Variants in TMEM132B observed in about 807,000 individuals in gnomAD.
The protein encoded by TMEM132B is transmembrane protein 132B.
TMEM132B carries 18 observed loss-of-function variants against 90.8 expected under a neutral mutation model. That is an observed-to-expected ratio of 0.20 (90% CI 0.14 to 0.29). TMEM132B has a LOEUF of 0.29. Among genes scored for constraint, TMEM132B ranks in the 10% least tolerant of loss-of-function variants. TMEM132B has a pLI of 1.00. For missense variants in TMEM132B, 1,096 were observed against 1,326.8 expected (o/e 0.83, Z 2.70); for synonymous variants, 504 against 523.3 (o/e 0.96, Z 0.50).
At position 125,654,875 on chromosome 12, in the gene TMEM132B, T is replaced by A. The variant is rs1887022661; in HGVS notation, c.*165T>A. The A allele has an allele frequency of 1.2e-6, 1 of 839,548 alleles. No individual in the cohort carries two copies. The highest frequency in any genetic ancestry group is 1.7e-5 in the African/African-American group (1 of 58,202). 52.0% of individuals were successfully genotyped at this position (839,548 alleles called of 1,614,324 possible). On this transcript the variant is annotated 3_prime_UTR_variant, in exon 9 of 9. Coordinates refer to ENST00000682704, the MANE Select transcript of TMEM132B (RefSeq NM_001366854.1). The surrounding 1 kb of genome is among the most constrained non-coding windows in gnomAD (Gnocchi z 5.8). ...AAGAGGTTTGGAGAGCTATAGAAGC[T>A]GGGTTTTAAGTTTGGAAATGCCTCT...
chr12:125,350,764 G>A (rs891522553), intron 2 of TMEM132B, among the ~76,000 whole-genome samples: 2 of 152,220 alleles, frequency 1.3e-5, no homozygotes, highest in Non-Finnish European at 2.9e-5. Flanking sequence ...TGGCTCTCAG[G>A]TGCTTGGGAG....
At chr12:125,222,221 A>C (rs1010642172) in intron 1 of TMEM132B, among the ~76,000 whole-genome samples, 4 of 152,198 alleles carry the variant, frequency 2.6e-5, no homozygotes, top group African/African-American at 9.7e-5. Flanking sequence ...CTTATTTGCT[A>C]TATAGTTTAA....
intron 2 of TMEM132B, among the ~76,000 whole-genome samples, chr12:125,362,069 A>G (rs1877975273): frequency 6.6e-6 from 1 of 152,178 alleles, no homozygotes; most frequent in Non-Finnish European, 1.5e-5. Flanking sequence ...TGTTTTACAG[A>G]TGAAGAAACA....
Position 125,565,265 on chromosome 12 carries a change from C to T in TMEM132B, c.1294-18586C>T, listed in dbSNP as rs7316137. Among the ~76,000 whole-genome samples, 622 of 152,260 alleles carry T rather than the reference C, an allele frequency of 4.1e-3. 4 individuals are homozygous for T. Among genetic ancestry groups the T allele is most frequent in the African/African-American group, 0.014 (577 of 41,560 alleles). On this transcript the variant is annotated intron_variant, in intron 4 of 8. Coordinates refer to ENST00000682704, the MANE Select transcript of TMEM132B (RefSeq NM_001366854.1). ...CGCCTTGCAGGATGCGAGACAGAAT[C>T]GTGGCTTGTCTGTTGAGCTGCCATG...
chr12:125,326,601 C>T, intron 1 of TMEM132B: 1 of 1,601,354 alleles, frequency 6.2e-7, no homozygotes, highest in Non-Finnish European at 8.5e-7. Context: ...GTGCCCTCGC[C>T]TCAGCTCCAG....
intron 3 of TMEM132B, among the ~76,000 whole-genome samples, chr12:125,502,073 G>T (rs550835280): frequency 1.6e-4 from 25 of 152,198 alleles, no homozygotes; most frequent in Non-Finnish European, 2.8e-4. Context: ...GGACCTGTGT[G>T]GTTGAGTGGA....
At chr12:125,279,226 C>T (rs1356270563) in intron 1 of TMEM132B, among the ~76,000 whole-genome samples, 3 of 152,158 alleles carry the variant, frequency 2.0e-5, no homozygotes, top group Non-Finnish European at 4.4e-5. Context: ...CAGGTAGGTC[C>T]ATCCCAGGCT....
At chr12:125,332,517 A>C (rs1162494500) in intron 1 of TMEM132B, among the ~76,000 whole-genome samples, 1 of 148,828 alleles carries the variant, frequency 6.7e-6, no homozygotes, top group African/African-American at 2.5e-5. Flanking sequence ...GCATTTCTTC[A>C]TAGCTCTGCA....
chr12:125,253,736 TC>T (rs1874368550), intron 1 of TMEM132B, among the ~76,000 whole-genome samples: 1 of 152,118 alleles, frequency 6.6e-6, no homozygotes, highest in East Asian at 1.9e-4. Flanking sequence ...GCCTGGCCCA[TC>T]CCTTCATTTT....
chr12:125,297,028 C>T (rs1258629793), intron 1 of TMEM132B, among the ~76,000 whole-genome samples: 2 of 152,198 alleles, frequency 1.3e-5, no homozygotes, highest in Non-Finnish European at 2.9e-5. Flanking sequence ...GAGAGCAGAG[C>T]AGTGGGAAGA....
At chr12:125,478,408 G>C (rs1018853493) in intron 3 of TMEM132B, among the ~76,000 whole-genome samples, 1 of 152,208 alleles carries the variant, frequency 6.6e-6, no homozygotes, top group African/African-American at 2.4e-5. Flanking sequence ...AAACAGTGTA[G>C]AGAAGACCTT....
Position 125,213,016 on chromosome 12 carries a change from C to G in TMEM132B, c.67+26150C>G, listed in dbSNP as rs1195897479. The stretch of plus-strand genomic sequence containing the variant: ...TTATAGTGTTGCACAAACACCACCT[C>G]TGTTTGGTTCCAGAGCATTTTCATC... On this transcript the variant is annotated intron_variant, in intron 1 of 8. Transcript: ENST00000682704. This position sits in a 1 kb window ranked among gnomAD's most constrained non-coding sequence, Gnocchi z 4.2. Among the ~76,000 whole-genome samples the G allele has an allele frequency of 6.6e-6, 1 of 152,182 alleles. No individual in the cohort carries two copies. The highest frequency in any genetic ancestry group is 2.4e-5 in the African/African-American group (1 of 41,438).
chr12:125,356,207 G>A (rs1005896564), intron 2 of TMEM132B, among the ~76,000 whole-genome samples: 3 of 152,158 alleles, frequency 2.0e-5, no homozygotes, highest in African/African-American at 4.8e-5. Context: ...TGACCTCTCC[G>A]TCTCTTAGAC....
In TMEM132B at chr12:125,314,568, G is replaced by C. The variant is rs139563973; in HGVS notation, c.68-34884G>C. 1.1e-4 allele frequency among the ~76,000 whole-genome samples: 16 copies of C among 152,250 alleles called. No individual in the cohort carries two copies. In the East Asian group the frequency reaches 1.7e-3, roughly 17 times the overall value. ...CAGAGGGGCTCAGCTACTACTTCCT[G>C]GAAGAGACTGAGCCAGCAAGGCTTC... On this transcript the variant is annotated intron_variant, in intron 1 of 8. Transcript: ENST00000682704.
At chr12:125,366,179 C>T (rs1298966311) in intron 2 of TMEM132B, among the ~76,000 whole-genome samples, 1 of 152,064 alleles carries the variant, frequency 6.6e-6, no homozygotes, top group African/African-American at 2.4e-5. Context: ...CAGTTCCACC[C>T]ACATTGCTGC....
chr12:125,381,869 A>T (rs56148118), intron 2 of TMEM132B, among the ~76,000 whole-genome samples: 9,643 of 152,200 alleles, frequency 0.063, 961 homozygotes, highest in African/African-American at 0.21. Context: ...CCAATGGGAA[A>T]TGCAATTCTA....
chr12:125,381,118 G>A (rs1341332191), intron 2 of TMEM132B, among the ~76,000 whole-genome samples: 1 of 152,202 alleles, frequency 6.6e-6, no homozygotes, highest in Admixed American at 6.5e-5. Context: ...CCCCATTCCA[G>A]CTCTGTGGAG....
At chr12:125,239,883 T>C (rs992279275) in intron 1 of TMEM132B, among the ~76,000 whole-genome samples, 1 of 152,222 alleles carries the variant, frequency 6.6e-6, no homozygotes, top group Admixed American at 6.5e-5. Flanking sequence ...ATTGGTGCAG[T>C]AGGGGTGGCC....
intron 5 of TMEM132B, among the ~76,000 whole-genome samples, chr12:125,604,426 A>G (rs1259598521): frequency 6.6e-6 from 1 of 150,492 alleles, no homozygotes; most frequent in South Asian, 2.1e-4. Context: ...GAGGGGAACA[A>G]TACACACCGG....
Sources: gnomAD v4.1 joint callset for allele counts (sites outside exome capture counted in the v4.1 genomes callset) on GRCh38, gnomAD v4.1.1 for gene constraint, Gnocchi (gnomAD v3.1) non-coding constraint, MANE v1.5 for transcripts, NCBI Gene and HGNC (gene_info 2026-07-23, HGNC 2026-07-21) for gene names.